FAM13C: variants seen among roughly 807,000 people sequenced by gnomAD.
The protein encoded by FAM13C is protein FAM13C.
Under a neutral mutation model 73.2 loss-of-function variants are expected in FAM13C, and 37 were observed. The observed-to-expected ratio is 0.51, with a 90% confidence interval of 0.39 to 0.67. The LOEUF (loss-of-function observed/expected upper bound fraction) is 0.67, where lower values mean the gene tolerates loss of function less well. Ranked by LOEUF, FAM13C falls within the 30% of genes least tolerant of loss-of-function variation. The pLI is 0.00. For missense variants in FAM13C, 589 were observed against 715.6 expected (o/e 0.82, Z 2.02); for synonymous variants, 246 against 260.9 (o/e 0.94, Z 0.55).
chr10:59,302,862 A>G lies in FAM13C; in HGVS notation c.446T>C (p.Ile149Thr). The stretch of plus-strand genomic sequence containing the variant: ...TGGCGAAATGGCAGTCCTCTGGTCT[A>G]TTCTATAAAATACAAAGAAAAATTA... The part of the protein sequence containing the change: ...CQETVRLQPR[I>T]DQRTAISPKD... The change falls in exon 5 of 14, where the codon ATA becomes ACA. Residue 149 changes from isoleucine to threonine, a missense_variant and splice_region_variant. Ile to Thr is a moderately conservative substitution (Grantham distance 89). Coordinates refer to ENST00000618804, the MANE Select transcript of FAM13C (RefSeq NM_198215.4). 6.2e-7 allele frequency: 1 copy of G among 1,612,992 alleles called. No homozygotes were observed. Among genetic ancestry groups the G allele is most frequent in the Non-Finnish European group, 8.5e-7 (1 of 1,179,646 alleles).
chr10:59,283,349 GC>G lies in FAM13C; in HGVS notation c.592+13del, dbSNP rs1564521710. ...AGAGTACAATTTGGGACAACCCCCA[GC>G]CCTGTATCTTACCTGCAGAATCTGT... On this transcript the variant is annotated intron_variant, in intron 6 of 13. Coordinates refer to ENST00000618804, the MANE Select transcript of FAM13C (RefSeq NM_198215.4). The G allele has an allele frequency of 6.2e-7, 1 of 1,613,684 alleles. No homozygotes were observed. The highest frequency in any genetic ancestry group is 1.1e-5 in the South Asian group (1 of 91,068).
At chr10:59,328,929 T>A (rs574607399) in intron 3 of FAM13C, among the ~76,000 whole-genome samples, 2 of 152,300 alleles carry the variant, frequency 1.3e-5, no homozygotes, top group East Asian at 3.9e-4. Context: ...CTATCCTACA[T>A]CACCCAAGAG....
At chr10:59,293,069 C>CTTTTTTTTTTTTTTTTTTTTTTTT (rs148715812) in intron 5 of FAM13C, among the ~76,000 whole-genome samples, 1 of 109,538 alleles carries the variant, frequency 9.1e-6, no homozygotes, top group Non-Finnish European at 1.7e-5. Flanking sequence ...TTTTCTTTTT[C>CTTTTTTTTTTTTTTTTTTTTTTTT]TTTTTTTTTT....
intron 10 of FAM13C, among the ~76,000 whole-genome samples, chr10:59,260,280 C>T (rs564630614): frequency 5.9e-5 from 9 of 152,252 alleles, no homozygotes; most frequent in East Asian, 1.9e-4. Context: ...AATGTAATCA[C>T]GTCATGTCAC....
chr10:59,293,076 T>TTC (rs926057824), intron 5 of FAM13C, among the ~76,000 whole-genome samples: 2 of 68,052 alleles, frequency 2.9e-5, no homozygotes, highest in African/African-American at 4.3e-5. Flanking sequence ...TTTCTTTTTT[T>TTC]TTTTTTTTTT....
intron 3 of FAM13C, among the ~76,000 whole-genome samples, chr10:59,331,683 T>C (rs1041247803): frequency 6.6e-6 from 1 of 151,988 alleles, no homozygotes; most frequent in Non-Finnish European, 1.5e-5. Flanking sequence ...GTTAGAAAGG[T>C]AGAGCATCCC....
chr10:59,323,185 A>C (rs1480254474), intron 4 of FAM13C: 1 of 152,282 alleles, frequency 6.6e-6, no homozygotes, highest in Non-Finnish European at 1.5e-5. Flanking sequence ...CTATGATTAC[A>C]CTGTACACAA....
intron 5 of FAM13C, among the ~76,000 whole-genome samples, chr10:59,290,055 G>A (rs1412012512): frequency 6.6e-6 from 1 of 152,210 alleles, no homozygotes. Context: ...AGAAGCCAGA[G>A]AGAAGTCTGT....
At chr10:59,320,741 A>T (rs1850123711) in intron 4 of FAM13C, among the ~76,000 whole-genome samples, 1 of 152,234 alleles carries the variant, frequency 6.6e-6, no homozygotes, top group Non-Finnish European at 1.5e-5. Context: ...GCCTTATTTG[A>T]ACATGGTTTG....
At chr10:59,293,641 T>C (rs1212589023) in intron 5 of FAM13C, among the ~76,000 whole-genome samples, 1 of 152,198 alleles carries the variant, frequency 6.6e-6, no homozygotes, top group Non-Finnish European at 1.5e-5. Context: ...CTTGTCTCTC[T>C]ATAAACTTGA....
intron 4 of FAM13C, among the ~76,000 whole-genome samples, chr10:59,310,399 A>G (rs1480425581): frequency 1.3e-5 from 2 of 152,224 alleles, no homozygotes; most frequent in African/African-American, 4.8e-5. Flanking sequence ...ACAAGATGCC[A>G]ATAAATTCCA....
chr10:59,322,303 A>C (rs77019933), intron 4 of FAM13C, among the ~76,000 whole-genome samples: 7,543 of 152,276 alleles, frequency 0.05, 560 homozygotes, highest in African/African-American at 0.16. Flanking sequence ...TACTAGACAT[A>C]ACTGCCCTCA....
chr10:59,328,924 C>G (rs727285), intron 3 of FAM13C, among the ~76,000 whole-genome samples: 1 of 152,116 alleles, frequency 6.6e-6, no homozygotes, highest in Non-Finnish European at 1.5e-5. Flanking sequence ...CTACCCTATC[C>G]TACATCACCC....
At chr10:59,265,319 T>TGAG (rs1554811295) in intron 8 of FAM13C, among the ~76,000 whole-genome samples, 165 of 2,294 alleles carry the variant, frequency 0.072, 17 homozygotes, top group African/African-American at 0.082. Flanking sequence ...GAAGGGGTTT[T>TGAG]GGCGGGGGGG....
At chr10:59,284,367 G>A (rs1845299480) in intron 5 of FAM13C, among the ~76,000 whole-genome samples, 1 of 151,984 alleles carries the variant, frequency 6.6e-6, no homozygotes, top group African/African-American at 2.4e-5. Context: ...CCACGAGAAG[G>A]TTCTGCAGGT....
intron 1 of FAM13C, among the ~76,000 whole-genome samples, chr10:59,357,190 C>A (rs769678065): frequency 1.3e-5 from 2 of 152,176 alleles, no homozygotes; most frequent in Non-Finnish European, 2.9e-5. Flanking sequence ...AACTCCCCTT[C>A]GAACATACAT....
intron 4 of FAM13C, among the ~76,000 whole-genome samples, chr10:59,311,819 C>G (rs756697707): frequency 6.6e-6 from 1 of 152,188 alleles, no homozygotes; most frequent in Non-Finnish European, 1.5e-5. Context: ...CACAGTTCCT[C>G]AGAGAGACCC....
At chr10:59,362,750 A>C, upstream of FAM13C, 1 of 489,190 alleles carries the variant, frequency 2.0e-6, no homozygotes. Flanking sequence ...TTACCACACG[A>C]CCCCGACCTC....
chr10:59,262,299 G>T (rs1055428097), intron 10 of FAM13C, 135 bp downstream of exon 10: 2 of 728,764 alleles, frequency 2.7e-6, no homozygotes, highest in Admixed American at 5.3e-5. Flanking sequence ...AACCTGTCAG[G>T]AACTCATCTG....
Sources: gnomAD v4.1 joint callset for allele counts (sites outside exome capture counted in the v4.1 genomes callset) on GRCh38, gnomAD v4.1.1 for gene constraint, MANE v1.5 for transcripts, NCBI Gene and HGNC (gene_info 2026-07-23, HGNC 2026-07-21) for gene names.